TMEM132C: variants seen among roughly 807,000 people sequenced by gnomAD.
The protein encoded by TMEM132C is protein phosphatase 1, regulatory subunit 152.
TMEM132C carries 29 observed loss-of-function variants against 61.4 expected under a neutral mutation model. That is an observed-to-expected ratio of 0.47 (90% confidence interval 0.35 to 0.64). The LOEUF (loss-of-function observed/expected upper bound fraction) is 0.64. Ranked by LOEUF, TMEM132C falls within the 30% of genes least tolerant of loss-of-function variation. The pLI is 0.00. For missense variants in TMEM132C, 1,408 were observed against 1,476.9 expected, an observed-to-expected ratio of 0.95 and a Z score of 0.76; for synonymous variants, 656 against 633.1, an observed-to-expected ratio of 1.04 and a Z score of -0.54.
chr12:128,553,394 A>G (rs1043669217), intron 3 of TMEM132C, among the ~76,000 whole-genome samples: 8 of 152,110 alleles, frequency 5.3e-5, no homozygotes, highest in African/African-American at 1.9e-4. Context: ...TTAAACCCAT[A>G]TTCCATATCT....
At chr12:128,330,191 C>T (rs941804842) in intron 1 of TMEM132C, among the ~76,000 whole-genome samples, 5 of 152,102 alleles carry the variant, frequency 3.3e-5, no homozygotes, top group Admixed American at 2.0e-4. Flanking sequence ...CACCTATGCA[C>T]GTGATATTTG....
At chr12:128,562,800 C>T (rs1296676566) in intron 3 of TMEM132C, among the ~76,000 whole-genome samples, 1 of 152,134 alleles carries the variant, frequency 6.6e-6, no homozygotes, top group East Asian at 1.9e-4. Context: ...CCCCCAAATC[C>T]CTGGTTCATC....
chr12:128,489,185 A>G (rs1871615371), intron 2 of TMEM132C, among the ~76,000 whole-genome samples: 1 of 152,074 alleles, frequency 6.6e-6, no homozygotes, highest in Non-Finnish European at 1.5e-5. Flanking sequence ...CACCCCAGTC[A>G]GTACTGATGG....
At chr12:128,459,183 C>T (rs1288411274) in intron 2 of TMEM132C, among the ~76,000 whole-genome samples, 1 of 152,224 alleles carries the variant, frequency 6.6e-6, no homozygotes, top group Admixed American at 6.5e-5. Context: ...TAAGCATTCT[C>T]TGCATACCTC....
At chr12:128,315,562 T>G (rs1872127008) in intron 1 of TMEM132C, among the ~76,000 whole-genome samples, 3 of 152,060 alleles carry the variant, frequency 2.0e-5, no homozygotes, top group Non-Finnish European at 4.4e-5. Flanking sequence ...TCAGGTTGAC[T>G]CTCTTGCAGG....
At chr12:128,509,765 G>A (rs1349085521) in intron 2 of TMEM132C, among the ~76,000 whole-genome samples, 6 of 152,130 alleles carry the variant, frequency 3.9e-5, no homozygotes, top group Admixed American at 2.0e-4. Context: ...AGTCCAGGTC[G>A]GCTCTTGGTG....
intron 1 of TMEM132C, among the ~76,000 whole-genome samples, chr12:128,366,047 T>G (rs1221959677): frequency 1.3e-5 from 2 of 152,206 alleles, no homozygotes; most frequent in African/African-American, 4.8e-5. Context: ...GTTGCCGAGA[T>G]GGTGTTTCGG....
chr12:128,471,368 G>A (rs1870946294), intron 2 of TMEM132C, among the ~76,000 whole-genome samples: 1 of 152,114 alleles, frequency 6.6e-6, no homozygotes, highest in Non-Finnish European at 1.5e-5. Context: ...TAGGGAGGTG[G>A]AAGCACAGAT....
chr12:128,577,733 A>G (rs1208258774), intron 3 of TMEM132C, among the ~76,000 whole-genome samples: 1 of 152,234 alleles, frequency 6.6e-6, no homozygotes, highest in Non-Finnish European at 1.5e-5. Flanking sequence ...GGGGTCACAA[A>G]GAGAGCAGTG....
chr12:128,692,290 C>T (rs1954726262), intron 5 of TMEM132C, among the ~76,000 whole-genome samples: 1 of 152,254 alleles, frequency 6.6e-6, no homozygotes, highest in Non-Finnish European at 1.5e-5. Flanking sequence ...ATCCTTCCAT[C>T]CATTCATCCA....
chr12:128,449,385 G>T (rs1467277428), intron 2 of TMEM132C, among the ~76,000 whole-genome samples: 1 of 152,050 alleles, frequency 6.6e-6, no homozygotes, highest in Non-Finnish European at 1.5e-5. Flanking sequence ...TTTGTTTACA[G>T]TGTCTACTAT....
intron 2 of TMEM132C, among the ~76,000 whole-genome samples, chr12:128,427,680 C>T (rs1039769349): frequency 3.9e-5 from 6 of 152,148 alleles, no homozygotes; most frequent in Non-Finnish European, 1.5e-5. Context: ...CTTTCTTCCT[C>T]CATCACCTTC....
chr12:128,614,143 C>T (rs1333457877), intron 3 of TMEM132C, among the ~76,000 whole-genome samples: 1 of 152,178 alleles, frequency 6.6e-6, no homozygotes, highest in Non-Finnish European at 1.5e-5. Context: ...TTCTTGTTTC[C>T]ACCAATAGCG....
intron 1 of TMEM132C, among the ~76,000 whole-genome samples, chr12:128,268,966 A>G (rs1204916259): frequency 1.6e-4 from 12 of 75,940 alleles, no homozygotes; most frequent in Non-Finnish European, 2.8e-4. Context: ...GAGACGAGGG[A>G]AAGGGGGGGC....
chr12:128,619,458 A>G (rs778878530), intron 4 of TMEM132C, among the ~76,000 whole-genome samples: 5 of 152,244 alleles, frequency 3.3e-5, no homozygotes, highest in Non-Finnish European at 7.3e-5. Flanking sequence ...CAGACCCTGC[A>G]GGCGGAAGCC....
Position 128,329,718 on chromosome 12 carries a change from G to C in TMEM132C, c.85+62231G>C, listed in dbSNP as rs1294135927. Among the ~76,000 whole-genome samples, 6 of 152,262 alleles carry C rather than the reference G, an allele frequency of 3.9e-5. No individual in the cohort carries two copies. The East Asian group carries it at 1.2e-3, about 29-fold the overall frequency. ...CCTTGGCTAGTCAGCTTTGTTGGGG[G>C]CGGAGGAGGCTCCCAGAGCTGGACC... On this transcript the variant is annotated intron_variant, in intron 1 of 8. Coordinates refer to ENST00000435159, the MANE Select transcript of TMEM132C (RefSeq NM_001136103.3).
At chr12:128,651,981 G>A (rs1214842601) in intron 4 of TMEM132C, among the ~76,000 whole-genome samples, 1 of 152,136 alleles carries the variant, frequency 6.6e-6, no homozygotes, top group Non-Finnish European at 1.5e-5. Flanking sequence ...GTTTTAAAGG[G>A]TTTTTAACTC....
At chr12:128,362,307 C>A (rs902581284) in intron 1 of TMEM132C, among the ~76,000 whole-genome samples, 3 of 152,128 alleles carry the variant, frequency 2.0e-5, no homozygotes, top group African/African-American at 7.2e-5. Context: ...TGCCTCATCA[C>A]CCATGAGTTC....
At chr12:128,282,590 G>A (rs75726013) in intron 1 of TMEM132C, among the ~76,000 whole-genome samples, 2,384 of 152,342 alleles carry the variant, frequency 0.016, 21 homozygotes, top group Middle Eastern at 0.075. Context: ...CCCTGGACGT[G>A]TTGGGATTAC....
Sources: gnomAD v4.1 joint callset for allele counts (sites outside exome capture counted in the v4.1 genomes callset) on GRCh38, gnomAD v4.1.1 for gene constraint, MANE v1.5 for transcripts, NCBI Gene and HGNC (gene_info 2026-07-23, HGNC 2026-07-21) for gene names.